DNAAF5: variants seen among roughly 807,000 people sequenced by gnomAD.
DNAAF5 encodes HEAT repeat containing 2.
In DNAAF5, 64 loss-of-function variants were observed where a neutral mutation model predicts 75.8. That is an observed-to-expected ratio of 0.84 (90% CI 0.69 to 1.04). The LOEUF (loss-of-function observed/expected upper bound fraction) is 1.04. Among genes scored for constraint, DNAAF5 ranks in the 50% least tolerant of loss-of-function variants. The probability of loss-of-function intolerance (pLI) is 0.00; values close to 1 mark genes in which losing one functional copy is unlikely to be tolerated. For synonymous variants in DNAAF5, 657 were observed against 557.2 expected (o/e 1.18, Z -2.52); for missense variants, 1,269 against 1,178.5 (o/e 1.08, Z -1.12).
Position 785,507 on chromosome 7 carries a change from T to C in DNAAF5, c.2432-10T>C, listed in dbSNP as rs1779117366. On this transcript the variant is annotated splice_polypyrimidine_tract_variant and intron_variant, in intron 12 of 12. Coordinates refer to ENST00000297440, the MANE Select transcript of DNAAF5 (RefSeq NM_017802.4). ...TTCTGGCATGTTCAAGGTGTTTTTC[T>C]GTTTTACAGAGGTCCTCAAAGAGGG... is the stretch of plus-strand genomic sequence containing the variant. 1 of 1,612,012 alleles carries C rather than the reference T, an allele frequency of 6.2e-7. No individual in the cohort carries two copies. Among genetic ancestry groups the C allele is most frequent in the African/African-American group, 1.3e-5 (1 of 74,894 alleles).
At chr7:763,056 TTC>T (rs1216214731) in intron 7 of DNAAF5, among the ~76,000 whole-genome samples, 1 of 152,178 alleles carries the variant, frequency 6.6e-6, no homozygotes, top group Non-Finnish European at 1.5e-5. Flanking sequence ...TCTCGGCAGA[TTC>T]TCTCTCTGGG....
chr7:781,471 G>C (rs1778938452), intron 12 of DNAAF5, among the ~76,000 whole-genome samples: 1 of 152,286 alleles, frequency 6.6e-6, no homozygotes, highest in South Asian at 2.1e-4. Flanking sequence ...GAACAGTGGG[G>C]CATTCGGCGT....
intron 6 of DNAAF5, among the ~76,000 whole-genome samples, chr7:757,643 A>G (rs1040510173): frequency 1.3e-5 from 2 of 152,246 alleles, no homozygotes; most frequent in African/African-American, 4.8e-5. Context: ...GTTGGGCTCA[A>G]TTGTTTGGAA....
At chr7:765,880 G>C (rs1044287442) in intron 8 of DNAAF5, among the ~76,000 whole-genome samples, 3 of 152,070 alleles carry the variant, frequency 2.0e-5, no homozygotes, top group Non-Finnish European at 4.4e-5. Flanking sequence ...TGTTTTTCTA[G>C]AAATGGGGTC....
chr7:769,043 C>T (rs373178199), intron 8 of DNAAF5: 1 of 651,152 alleles, frequency 1.5e-6, no homozygotes, highest in South Asian at 1.7e-5. Context: ...ACCAGCTGGT[C>T]TCACCGCGAG....
At position 740,530 on chromosome 7, in the gene DNAAF5, C is replaced by T. The variant is rs1344940612; in HGVS notation, c.781-289C>T. ...CCTGCTCTCGCCAACAGGACCAGGC[C>T]GGGGCACGGGGTATGTGTGTGTGAG... On this transcript the variant is annotated intron_variant, in intron 2 of 12. Transcript: ENST00000297440. Among the ~76,000 whole-genome samples, 6 of 152,168 alleles carry T rather than the reference C, an allele frequency of 3.9e-5. No homozygotes were observed. In the South Asian group the frequency reaches 1.2e-3, roughly 31 times the overall value.
chr7:768,321 A>G lies in DNAAF5; in HGVS notation c.1784-2150A>G, dbSNP rs147644760. Among the ~76,000 whole-genome samples, 15 of 145,084 alleles carry G rather than the reference A, an allele frequency of 1.0e-4. 1 individual carries two copies. In the East Asian group the frequency reaches 3.1e-3, roughly 30 times the overall value. Reference sequence around the variant, plus strand: ...CGGAAGTGTCCGTGCTGCGAGCAGGAGCTCTCGCTGGGAGGGCAGACACGT... The same window carrying G: ...CGGAAGTGTCCGTGCTGCGAGCAGGGGCTCTCGCTGGGAGGGCAGACACGT... On this transcript the variant is annotated intron_variant, in intron 8 of 12. Transcript: ENST00000297440.
chr7:728,467 G>A (rs1781442527), intron 1 of DNAAF5, among the ~76,000 whole-genome samples: 1 of 152,214 alleles, frequency 6.6e-6, no homozygotes, highest in Admixed American at 6.5e-5. Flanking sequence ...CAGAAGTAGA[G>A]GAAGAGCTGG....
chr7:737,638 TG>T, intron 2 of DNAAF5, among the ~76,000 whole-genome samples: 1 of 152,344 alleles, frequency 6.6e-6, no homozygotes, highest in South Asian at 2.1e-4. Flanking sequence ...AGCTTTTGTT[TG>T]TCTGGGAAAG....
At chr7:780,839 T>C (rs1174083279) in intron 12 of DNAAF5, among the ~76,000 whole-genome samples, 1 of 151,102 alleles carries the variant, frequency 6.6e-6, no homozygotes, top group Non-Finnish European at 1.5e-5. Flanking sequence ...TTTTTTTTTT[T>C]TGTTTTGTTT....
chr7:736,149 T>A (rs924623270), intron 2 of DNAAF5, among the ~76,000 whole-genome samples: 3 of 152,236 alleles, frequency 2.0e-5, no homozygotes, highest in Non-Finnish European at 4.4e-5. Context: ...TTGAAAATGA[T>A]CTGTGTGCTG....
chr7:747,616 G>T (rs1782163918), intron 4 of DNAAF5, among the ~76,000 whole-genome samples: 1 of 151,716 alleles, frequency 6.6e-6, no homozygotes, highest in East Asian at 1.9e-4. Context: ...TGTTTTTAGT[G>T]TGTCCAGTTG....
chr7:767,870 G>A (rs1371527818), intron 8 of DNAAF5, among the ~76,000 whole-genome samples: 1 of 151,560 alleles, frequency 6.6e-6, no homozygotes, highest in Non-Finnish European at 1.5e-5. Context: ...CGCTGGGAGG[G>A]CAGACACATG....
At chr7:783,770 C>G (rs1008419556) in intron 12 of DNAAF5, among the ~76,000 whole-genome samples, 1 of 152,126 alleles carries the variant, frequency 6.6e-6, no homozygotes, top group African/African-American at 2.4e-5. Context: ...CCTCCCAGCT[C>G]TCCTGTCCTG....
intron 8 of DNAAF5, chr7:769,351 G>A: frequency 1.6e-6 from 1 of 624,732 alleles, no homozygotes; most frequent in Non-Finnish European, 2.9e-6. Flanking sequence ...AGGAGACGCT[G>A]CAGGGACTCT....
At chr7:734,825 A>G (rs1776352819) in intron 2 of DNAAF5, among the ~76,000 whole-genome samples, 1 of 152,108 alleles carries the variant, frequency 6.6e-6, no homozygotes, top group South Asian at 2.1e-4. Context: ...GAATTTATCC[A>G]TTTCTTCTAG....
chr7:785,642 G>A lies in DNAAF5; in HGVS notation c.2557G>A (p.Ala853Thr). 1 of 1,612,900 alleles carries A rather than the reference G, an allele frequency of 6.2e-7. No individual in the cohort carries two copies. The highest frequency in any genetic ancestry group is 8.5e-7 in the Non-Finnish European group (1 of 1,179,930). ...CCTGCAGCATGTGCAGGCCGTGCCA[G>A]CCACACAGTGACCACGCTGGTTTCA... ...QLLQHVQAVPATQ is the reference protein window; with the variant it reads ...QLLQHVQAVPTTQ The change falls in exon 13 of 13, where the codon GCC becomes ACC. Residue 853 changes from alanine (A) to threonine (T), a missense_variant. Ala to Thr is a moderately conservative substitution (Grantham distance 58). Coordinates refer to ENST00000297440, the MANE Select transcript of DNAAF5 (RefSeq NM_017802.4).
intron 12 of DNAAF5, among the ~76,000 whole-genome samples, chr7:782,678 GCGTGGCCGCCTCCCGT>G (rs1779008421): frequency 1.7e-5 from 2 of 117,214 alleles, no homozygotes; most frequent in South Asian, 3.3e-4. Flanking sequence ...GATCTTCCTG[GCGTGGCCGCCTCCCGT>G]CACGCAGCGT....
In DNAAF5 at chr7:774,085, A is replaced by G. The variant is rs1271373510; in HGVS notation, c.1969A>G (p.Ile657Val). The change falls in exon 10 of 13, where the codon ATC becomes GTC. Residue 657 changes from isoleucine to valine, a missense_variant. Physicochemically the swap from Ile to Val is conservative, Grantham distance 29 (BLOSUM62 3). Transcript: ENST00000297440. ...CTACCTCGAGACGGTGACAAAGGAC[A>G]TCCTGGCCCCCAATCTGCAGTGGCA... ...PSYLETVTKD[I>V]LAPNLQWHAG... is the part of the protein sequence containing the mutation. 2 of 1,613,926 alleles carry G rather than the reference A, an allele frequency of 1.2e-6. No individual in the cohort carries two copies.
Sources: gnomAD v4.1 joint callset for allele counts (sites outside exome capture counted in the v4.1 genomes callset) on GRCh38, gnomAD v4.1.1 for gene constraint, MANE v1.5 for transcripts, NCBI Gene and HGNC (gene_info 2026-07-23, HGNC 2026-07-21) for gene names.